Variants in SORCS3 observed in about 807,000 individuals in gnomAD.
SORCS3 encodes the protein sortilin related VPS10 domain containing receptor 3.
Under a neutral mutation model 146.3 loss-of-function variants are expected in SORCS3, and 57 were observed. The observed-to-expected ratio is 0.39, with a 90% confidence interval of 0.31 to 0.49. The LOEUF is 0.49. SORCS3 is among the 20% of genes least tolerant of loss of function. SORCS3 has a pLI of 0.92. For synonymous variants in SORCS3, 653 were observed against 618.5 expected (o/e 1.06, Z -0.83); for missense variants, 1,341 against 1,575.5 (o/e 0.85, Z 2.52).
chr10:104,763,952 TA>T (rs1233914576), intron 1 of SORCS3, among the ~76,000 whole-genome samples: 1 of 151,630 alleles, frequency 6.6e-6, no homozygotes, highest in African/African-American at 2.4e-5. Context: ...ACCATGATTG[TA>T]AGTTTCCTGA....
At chr10:104,894,296 T>G (rs1385044655) in intron 2 of SORCS3, among the ~76,000 whole-genome samples, 3 of 152,186 alleles carry the variant, frequency 2.0e-5, no homozygotes, top group African/African-American at 7.2e-5. Flanking sequence ...CTACCAACAT[T>G]TAATCACCAA....
chr10:104,786,376 G>C (rs2017436282), intron 1 of SORCS3, among the ~76,000 whole-genome samples: 1 of 151,602 alleles, frequency 6.6e-6, no homozygotes, highest in Non-Finnish European at 1.5e-5. Flanking sequence ...ACAAAACCCT[G>C]TTTCTACTAA....
At chr10:104,999,788 A>G (rs746231000) in intron 4 of SORCS3, among the ~76,000 whole-genome samples, 2 of 152,158 alleles carry the variant, frequency 1.3e-5, no homozygotes, top group Non-Finnish European at 2.9e-5. Flanking sequence ...GGTCCAGCCC[A>G]TTAGTCCACA....
intron 5 of SORCS3, among the ~76,000 whole-genome samples, chr10:105,045,162 T>C (rs2055362622): frequency 6.6e-6 from 1 of 152,116 alleles, no homozygotes; most frequent in Non-Finnish European, 1.5e-5. Flanking sequence ...CACACTGGGC[T>C]AGATGAACCA....
intron 10 of SORCS3, 145 bp downstream of exon 10, chr10:105,157,429 G>A: frequency 3.3e-6 from 3 of 919,232 alleles, no homozygotes; most frequent in Non-Finnish European, 4.8e-6. Flanking sequence ...GCATTGGTGT[G>A]TGGACTCAGA....
intron 1 of SORCS3, among the ~76,000 whole-genome samples, chr10:104,710,915 C>T (rs1367494889): frequency 2.0e-5 from 3 of 152,110 alleles, no homozygotes; most frequent in African/African-American, 7.2e-5. Context: ...GTTGGCCAAG[C>T]AGTGGCATTT....
chr10:105,187,558 T>C (rs1343817362), intron 14 of SORCS3, among the ~76,000 whole-genome samples: 1 of 152,204 alleles, frequency 6.6e-6, no homozygotes, highest in Non-Finnish European at 1.5e-5. Context: ...TCTTTCTACT[T>C]TGATTTGAAA....
At chr10:104,934,558 A>AT (rs938800541) in intron 3 of SORCS3, among the ~76,000 whole-genome samples, 23 of 151,708 alleles carry the variant, frequency 1.5e-4, no homozygotes, top group African/African-American at 5.6e-4. Flanking sequence ...GAGGATTTAA[A>AT]TTTTTTTTTC....
At chr10:104,828,368 G>A (rs551233035) in intron 1 of SORCS3, among the ~76,000 whole-genome samples, 2 of 152,292 alleles carry the variant, frequency 1.3e-5, no homozygotes, top group Admixed American at 1.3e-4. Context: ...GGGCTGAGGA[G>A]AAGGAGAGAG....
chr10:104,847,506 C>T (rs1395183268), intron 2 of SORCS3, among the ~76,000 whole-genome samples: 1 of 152,134 alleles, frequency 6.6e-6, no homozygotes, highest in Non-Finnish European at 1.5e-5. Context: ...GACTGATCAG[C>T]TTCAGAACAA....
intron 1 of SORCS3, among the ~76,000 whole-genome samples, chr10:104,839,084 A>G (rs1360922824): frequency 6.6e-6 from 1 of 152,224 alleles, no homozygotes; most frequent in Non-Finnish European, 1.5e-5. Context: ...TACCAACACA[A>G]TATCAATATC....
rs570820859 is a variant in SORCS3, at chr10:104,641,752, G to A, written c.425G>A (p.Arg142His). 1.3e-6 allele frequency: 2 copies of A among 1,546,046 alleles called. No homozygotes were observed. The change falls in exon 1 of 27, where the codon CGC (arginine) becomes CAC (histidine). Residue 142 changes from arginine to histidine, a missense_variant. Physicochemically the swap from Arg to His is conservative, Grantham distance 29. Transcript: ENST00000369701. The surrounding 1 kb of genome is among the most constrained non-coding windows in gnomAD (Gnocchi z 6.4). ...GCGCAGCCCCCAATCACCCAGGAAC[G>A]CGGGGACGCCTGGGCCACTGCTCCG... ...RRAQPPITQE[R>H]GDAWATAPAD...
chr10:104,962,278 C>T (rs1000237979), intron 3 of SORCS3, among the ~76,000 whole-genome samples: 1 of 152,058 alleles, frequency 6.6e-6, no homozygotes, highest in Non-Finnish European at 1.5e-5. Context: ...AACTCTGAGG[C>T]ACAGCTTGGC....
chr10:104,789,105 G>T (rs1339046530), intron 1 of SORCS3, among the ~76,000 whole-genome samples: 1 of 152,220 alleles, frequency 6.6e-6, no homozygotes, highest in African/African-American at 2.4e-5. Context: ...GTGGGAGCAA[G>T]TGAGAAGTGG....
chr10:104,993,929 C>T (rs2055009136), intron 4 of SORCS3, among the ~76,000 whole-genome samples: 2 of 151,960 alleles, frequency 1.3e-5, no homozygotes, highest in South Asian at 4.2e-4. Flanking sequence ...CTGACAAATG[C>T]TAACAAATAT....
intron 20 of SORCS3, among the ~76,000 whole-genome samples, chr10:105,230,020 C>A (rs1301090566): frequency 7.2e-5 from 11 of 152,140 alleles, no homozygotes; most frequent in Non-Finnish European, 1.6e-4. Flanking sequence ...TTCATATCTA[C>A]AATTAGTGAA....
intron 1 of SORCS3, among the ~76,000 whole-genome samples, chr10:104,649,698 A>G (rs1207177528): frequency 1.3e-5 from 2 of 152,244 alleles, no homozygotes; most frequent in Non-Finnish European, 2.9e-5. Flanking sequence ...CTAGAAGTGA[A>G]TGACTGGGGA....
At chr10:104,824,397 C>T (rs2017912194) in intron 1 of SORCS3, among the ~76,000 whole-genome samples, 1 of 152,156 alleles carries the variant, frequency 6.6e-6, no homozygotes, top group African/African-American at 2.4e-5. Flanking sequence ...CCTTCTTGCA[C>T]TGAAAGTGCC....
chr10:104,931,153 A>G (rs2019202933), intron 3 of SORCS3, among the ~76,000 whole-genome samples: 1 of 152,210 alleles, frequency 6.6e-6, no homozygotes, highest in African/African-American at 2.4e-5. Flanking sequence ...CATTAAATTG[A>G]TGAAGAAACT....
Sources: allele counts gnomAD v4.1 joint callset (sites outside exome capture counted in the v4.1 genomes callset), GRCh38; gene constraint gnomAD v4.1.1; non-coding constraint Gnocchi (gnomAD v3.1); transcripts MANE v1.5; gene names NCBI Gene and HGNC (gene_info 2026-07-23, HGNC 2026-07-21).